PIGQ: variants seen among roughly 807,000 people sequenced by gnomAD.
PIGQ encodes phosphatidylinositol glycan anchor biosynthesis class Q.
Under a neutral mutation model 60.3 loss-of-function variants are expected in PIGQ, and 54 were observed. That is an observed-to-expected ratio of 0.90 (90% CI 0.72 to 1.12). PIGQ has a LOEUF of 1.12. Among genes scored for constraint, PIGQ ranks in the 50% most tolerant of loss-of-function variants. The pLI is 0.00. For synonymous variants in PIGQ, 416 were observed against 363.7 expected (o/e 1.14, Z -1.64); for missense variants, 799 against 793.5 (o/e 1.01, Z -0.08).
At chr16:578,640 G>A (rs967388905) in intron 5 of PIGQ, 135 bp downstream of exon 5, 1 of 1,406,808 alleles carries the variant, frequency 7.1e-7, no homozygotes, top group South Asian at 1.3e-5. Flanking sequence ...GCTGTGCTCA[G>A]CTGAGGGCTG....
chr16:580,819 C>T lies in PIGQ; in HGVS notation c.1417-39C>T, dbSNP rs200687418. On this transcript the variant is annotated intron_variant, in intron 8 of 10. Coordinates refer to ENST00000321878, the MANE Select transcript of PIGQ (RefSeq NM_004204.5). Reference sequence around the variant, plus strand: ...GGTCGGACTGCTCTGCCCCCAGGCGCGTCTGGCCGGGCCGGTCCTAAATGC... The same window carrying T: ...GGTCGGACTGCTCTGCCCCCAGGCGTGTCTGGCCGGGCCGGTCCTAAATGC... 616 of 915,688 alleles carry T rather than the reference C, an allele frequency of 6.7e-4. 1 individual carries two copies. The highest frequency in any genetic ancestry group is 9.8e-4 in the Non-Finnish European group (546 of 555,026). 56.7% of individuals were successfully genotyped at this position (915,688 alleles called of 1,614,324 possible). A position where few individuals can be genotyped will look rare whatever the true frequency, so the allele number is the denominator to read the frequency against.
Position 583,833 on chromosome 16 carries a change from G to GC in PIGQ, c.*804dup, listed in dbSNP as rs760897281. ...GCCCTGCTGTGCAGACACCTCTGTG[G>GC]CCCCCCAGGAGTGTGAGTGGCCTGG... is the stretch of plus-strand genomic sequence containing the variant. On this transcript the variant is annotated 3_prime_UTR_variant, in exon 11 of 11. Transcript: ENST00000321878. The GC allele has an allele frequency of 3.3e-5, 22 of 676,626 alleles. No individual in the cohort carries two copies. The highest frequency in any genetic ancestry group is 1.4e-4 in the East Asian group (5 of 36,486). The allele number at this position is 676,626 out of a possible 1,614,324, so 41.9% of individuals were successfully genotyped here. A position where few individuals can be genotyped will look rare whatever the true frequency, so the allele number is the denominator to read the frequency against.
chr16:579,267 G>A, intron 7 of PIGQ, 87 bp downstream of exon 7: 3 of 1,034,602 alleles, frequency 2.9e-6, no homozygotes, highest in Non-Finnish European at 4.5e-6. Flanking sequence ...ACCACAAGGG[G>A]GCAGCCTGCT....
At position 575,989 on chromosome 16, in the gene PIGQ, C is replaced by G; in HGVS notation, c.821+19C>G. On this transcript the variant is annotated intron_variant, in intron 3 of 10. Transcript: ENST00000321878. ...TGATGAGGTGTGGGCCTGCCCTGGTCTCTGCAGGGCTGGGTGCGTGCCCTC... is the reference window on the plus strand; with the variant it reads ...TGATGAGGTGTGGGCCTGCCCTGGTGTCTGCAGGGCTGGGTGCGTGCCCTC... The G allele has an allele frequency of 1.3e-6, 2 of 1,573,060 alleles. No homozygotes were observed. The highest frequency in any genetic ancestry group is 8.6e-7 in the Non-Finnish European group (1 of 1,159,720).
rs527932428 is a variant in PIGQ at position 577,560 on chromosome 16, A to G, written c.943-819A>G. 3.1e-3 allele frequency among the ~76,000 whole-genome samples: 470 copies of G among 151,364 alleles called. 3 individuals are homozygous for G. Among genetic ancestry groups the G allele is most frequent in the African/African-American group, 9.7e-3 (400 of 41,210 alleles). ...CCACTGCACTCCAGCCTGGGCGACA[A>G]AACAAGACTCCGTCTCAGAAAAAAA... On this transcript the variant is annotated intron_variant, in intron 4 of 10. Transcript: ENST00000321878.
chr16:578,056 G>T, intron 4 of PIGQ: 1 of 272,346 alleles, frequency 3.7e-6, no homozygotes, highest in Non-Finnish European at 7.1e-6. Flanking sequence ...TTGGGGCCGA[G>T]GGCTCCAGTG....
intron 2 of PIGQ, among the ~76,000 whole-genome samples, chr16:575,030 C>T (rs1026501625): frequency 6.6e-6 from 1 of 152,206 alleles, no homozygotes; most frequent in Non-Finnish European, 1.5e-5. Context: ...GGGTGAACCT[C>T]AGTGGCTTAG....
intron 1 of PIGQ, among the ~76,000 whole-genome samples, chr16:571,765 G>A (rs1056593021): frequency 1.3e-5 from 2 of 152,154 alleles, no homozygotes; most frequent in South Asian, 2.1e-4. Flanking sequence ...TCTTTGTGCC[G>A]CCGACCGTCC....
chr16:578,710 CTG>C (rs1264840874), intron 5 of PIGQ, 73 bp from the exon 6 acceptor site: 2 of 1,538,708 alleles, frequency 1.3e-6, no homozygotes, highest in Non-Finnish European at 1.8e-6. Flanking sequence ...ACCTCATGTC[CTG>C]TGTGTGTGAG....
chr16:582,437 A>T (rs1318442835), intron 10 of PIGQ, 128 bp downstream of exon 10: 1 of 694,868 alleles, frequency 1.4e-6, no homozygotes, highest in Non-Finnish European at 2.4e-6. Flanking sequence ...GGCCCAGTGG[A>T]GCTGAGGGGG....
At chr16:575,751 C>A in intron 2 of PIGQ, 88 bp from the exon 3 acceptor site, 2 of 1,383,058 alleles carry the variant, frequency 1.4e-6, no homozygotes, top group South Asian at 1.3e-5. Flanking sequence ...AGGAGTGTGG[C>A]CTGGGTGTTT....
At chr16:581,193 G>C in intron 9 of PIGQ, 6 of 1,432,086 alleles carry the variant, frequency 4.2e-6, no homozygotes, top group South Asian at 1.4e-5. Flanking sequence ...CTCACCTGCC[G>C]CGCAGGTTCA....
Position 584,005 on chromosome 16 carries a change from G to C in PIGQ, c.*970G>C. ...GATGACGCGCTGTGGGTGGGAGGAG[G>C]CAGCGCCCATCTCAGCAGCACCAGG... On this transcript the variant is annotated 3_prime_UTR_variant, in exon 11 of 11. Coordinates refer to ENST00000321878, the MANE Select transcript of PIGQ (RefSeq NM_004204.5). 2.7e-6 allele frequency: 1 copy of C among 368,658 alleles called. No homozygotes were observed. Among genetic ancestry groups the C allele is most frequent in the Non-Finnish European group, 5.3e-6 (1 of 189,102 alleles). 22.8% of individuals were successfully genotyped at this position (368,658 alleles called of 1,614,324 possible).
In PIGQ at chr16:582,239, T is replaced by A; in HGVS notation, c.1532-9T>A. ...GCGTCCCCTCGTCAGCCGCTTGCTA[T>A]CCTTGCAGCTGGCGTGAAGTTCCGT... On this transcript the variant is annotated splice_polypyrimidine_tract_variant and intron_variant, in intron 9 of 10. Transcript: ENST00000321878. 6.3e-7 allele frequency: 1 copy of A among 1,595,224 alleles called. No homozygotes were observed. Among genetic ancestry groups the A allele is most frequent in the Non-Finnish European group, 8.6e-7 (1 of 1,168,788 alleles).
rs1438584731 is a variant in PIGQ at position 575,971 on chromosome 16, G to A, written c.821+1G>A. 6.3e-7 allele frequency: 1 copy of A among 1,582,038 alleles called. No homozygotes were observed. Among genetic ancestry groups the A allele is most frequent in the Non-Finnish European group, 8.6e-7 (1 of 1,164,492 alleles). On this transcript the variant is annotated splice_donor_variant, in intron 3 of 10. Transcript: ENST00000321878. LOFTEE classifies it high-confidence loss of function. ...CGGAGAACCCTGCCCAGCTGATGAGGTGTGGGCCTGCCCTGGTCTCTGCAG... is the reference window on the plus strand; with the variant it reads ...CGGAGAACCCTGCCCAGCTGATGAGATGTGGGCCTGCCCTGGTCTCTGCAG...
chr16:576,121 A>G lies in PIGQ; in HGVS notation c.822-13A>G. 4.5e-6 allele frequency: 7 copies of G among 1,546,086 alleles called. No individual in the cohort carries two copies. Among genetic ancestry groups the G allele is most frequent in the Non-Finnish European group, 6.1e-6 (7 of 1,146,308 alleles). On this transcript the variant is annotated splice_polypyrimidine_tract_variant and intron_variant, in intron 3 of 10. Transcript: ENST00000321878. ...GCCACCCTCATGCCGGCCGGGCCGG[A>G]CCTCCCTTCCAGGAAGGCCAACACG...
chr16:581,110 G>A (rs956761174), intron 9 of PIGQ, 138 bp downstream of exon 9: 1 of 1,415,716 alleles, frequency 7.1e-7, no homozygotes, highest in East Asian at 2.5e-5. Flanking sequence ...AGCGGGCAGG[G>A]AGGACAGGGC....
intron 1 of PIGQ, among the ~76,000 whole-genome samples, chr16:571,970 G>A (rs1416855486): frequency 6.6e-6 from 1 of 152,076 alleles, no homozygotes; most frequent in Non-Finnish European, 1.5e-5. Context: ...TCGTGAGCAC[G>A]TAGCTCGGTG....
rs1258293679 is a variant in PIGQ, at chr16:583,441, C to A, written c.*406C>A. 1 of 1,612,548 alleles carries A rather than the reference C, an allele frequency of 6.2e-7. No homozygotes were observed. Among genetic ancestry groups the A allele is most frequent in the Non-Finnish European group, 8.5e-7 (1 of 1,179,926 alleles). ...GGGCTCCCCAGTGGCTCTGCCCTGG[C>A]TGTGGGGGTGGAGGGACCTTGCCAG... On this transcript the variant is annotated 3_prime_UTR_variant, in exon 11 of 11. Coordinates refer to ENST00000321878, the MANE Select transcript of PIGQ (RefSeq NM_004204.5).
Sources: gnomAD v4.1 joint callset for allele counts (sites outside exome capture counted in the v4.1 genomes callset) on GRCh38, gnomAD v4.1.1 for gene constraint, MANE v1.5 for transcripts, NCBI Gene and HGNC (gene_info 2026-07-23, HGNC 2026-07-21) for gene names.